UBE2W: variants seen among roughly 807,000 people sequenced by gnomAD.
UBE2W encodes ubiquitin-conjugating enzyme E2 W.
In UBE2W, 18 loss-of-function variants were observed where a neutral mutation model predicts 27.2. The ratio of observed to expected loss-of-function variants is 0.66; its 90% CI spans 0.46 to 0.98. The LOEUF (loss-of-function observed/expected upper bound fraction) is 0.98. Among genes scored for constraint, UBE2W ranks in the 50% least tolerant of loss-of-function variants. The pLI, the probability that UBE2W is intolerant of heterozygous loss-of-function variation, is 0.00. For missense variants in UBE2W, 90 were observed against 180.2 expected, an observed-to-expected ratio of 0.50 and a Z score of 2.87; for synonymous variants, 53 against 57.2, an observed-to-expected ratio of 0.93 and a Z score of 0.33.
rs1563560833 is a variant in UBE2W, at chr8:73,787,165, T to TA, written c.*6936dup. The stretch of plus-strand genomic sequence containing the variant: ...ATTAAAAATAAATCTTACAGGCAAC[T>TA]AAAAAAATGGTTGAAAGGGGCTCCC... On this transcript the variant is annotated 3_prime_UTR_variant, in exon 6 of 6. Transcript: ENST00000602593. 10 of 985,204 alleles carry TA rather than the reference T, an allele frequency of 1.0e-5. No individual in the cohort carries two copies. Among genetic ancestry groups the TA allele is most frequent in the South Asian group, 4.7e-5 (1 of 21,282 alleles). The allele number at this position is 985,204 out of a possible 1,614,324, so 61.0% of individuals were successfully genotyped here.
intron 1 of UBE2W, among the ~76,000 whole-genome samples, chr8:73,850,440 T>C (rs751826453): frequency 6.6e-6 from 1 of 152,144 alleles, no homozygotes; most frequent in Non-Finnish European, 1.5e-5. Context: ...AAACCAGCAC[T>C]GTTCATAACA....
chr8:73,835,541 G>A (rs566162125), intron 1 of UBE2W, among the ~76,000 whole-genome samples: 4 of 152,218 alleles, frequency 2.6e-5, no homozygotes, highest in African/African-American at 9.6e-5. Flanking sequence ...TCAGGAATTC[G>A]GGACCAGCCT....
intron 1 of UBE2W, among the ~76,000 whole-genome samples, chr8:73,867,713 GAA>G (rs71269960): frequency 0.019 from 2,459 of 128,700 alleles, 61 homozygotes; most frequent in East Asian, 0.13. Flanking sequence ...CTCTGTCTCA[GAA>G]AAAAAAAAAA....
At chr8:73,828,365 T>C (rs1302793531) in intron 2 of UBE2W, among the ~76,000 whole-genome samples, 1 of 152,188 alleles carries the variant, frequency 6.6e-6, no homozygotes, top group Non-Finnish European at 1.5e-5. Context: ...CTATACAAAA[T>C]TTTTACCTTA....
At chr8:73,827,469 G>A (rs937292243) in intron 2 of UBE2W, among the ~76,000 whole-genome samples, 12 of 151,908 alleles carry the variant, frequency 7.9e-5, no homozygotes, top group African/African-American at 9.7e-5. Flanking sequence ...CCGCCTCGGC[G>A]TCCCAAAGTG....
chr8:73,836,987 G>A (rs182085276), intron 1 of UBE2W, among the ~76,000 whole-genome samples: 28 of 152,266 alleles, frequency 1.8e-4, no homozygotes, highest in Admixed American at 8.5e-4. Context: ...AGGTTCCAGT[G>A]GTTCATAGCC....
At chr8:73,803,892 G>A (rs1338732558) in intron 5 of UBE2W, among the ~76,000 whole-genome samples, 3 of 151,116 alleles carry the variant, frequency 2.0e-5, no homozygotes, top group Non-Finnish European at 4.4e-5. Context: ...TCGGCCTCCC[G>A]AGTAACTGGG....
At chr8:73,861,873 G>C (rs1811546737) in intron 1 of UBE2W, among the ~76,000 whole-genome samples, 1 of 152,124 alleles carries the variant, frequency 6.6e-6, no homozygotes, top group Admixed American at 6.5e-5. Flanking sequence ...AAAGCTGATA[G>C]GACAGTCAAT....
chr8:73,861,313 T>C (rs1408427517), intron 1 of UBE2W, among the ~76,000 whole-genome samples: 6 of 152,092 alleles, frequency 3.9e-5, no homozygotes, highest in Non-Finnish European at 7.4e-5. Context: ...AACTGATAAG[T>C]TCAGCATAGG....
chr8:73,813,174 A>G lies in UBE2W; in HGVS notation c.211-2545T>C, dbSNP rs566994055. Among the ~76,000 whole-genome samples the G allele has an allele frequency of 9.2e-5, 14 of 151,362 alleles. 1 individual carries two copies. In the South Asian group the frequency reaches 1.5e-3, roughly 16 times the overall value. On this transcript the variant is annotated intron_variant, in intron 3 of 5. Transcript: ENST00000602593. ...ACCAACCTTTAAAGAAAATAGCAAC[A>G]CGAAGGTTACTACATCATGTTTCAC...
intron 1 of UBE2W, 136 bp downstream of exon 1, chr8:73,878,672 C>G (rs1812347992): frequency 6.6e-6 from 5 of 755,642 alleles, no homozygotes; most frequent in Non-Finnish European, 1.1e-5. Context: ...ACGCCCTGAG[C>G]TGAGGGAAAA....
At chr8:73,840,364 T>C (rs1810491376) in intron 1 of UBE2W, among the ~76,000 whole-genome samples, 1 of 152,240 alleles carries the variant, frequency 6.6e-6, no homozygotes, top group South Asian at 2.1e-4. Flanking sequence ...CCAAAGCTCA[T>C]TCATTTCTAA....
At chr8:73,869,174 G>T (rs748322997) in intron 1 of UBE2W, among the ~76,000 whole-genome samples, 20 of 152,238 alleles carry the variant, frequency 1.3e-4, no homozygotes, top group Non-Finnish European at 2.4e-4. Context: ...GCCAGTCATC[G>T]CAACACTTTG....
chr8:73,838,161 T>C (rs1376223316), intron 1 of UBE2W, among the ~76,000 whole-genome samples: 1 of 152,218 alleles, frequency 6.6e-6, no homozygotes, highest in Non-Finnish European at 1.5e-5. Context: ...AATGATTACA[T>C]ACTTTCAGAA....
chr8:73,877,308 G>T (rs768798957), intron 1 of UBE2W, among the ~76,000 whole-genome samples: 1 of 152,152 alleles, frequency 6.6e-6, no homozygotes, highest in Non-Finnish European at 1.5e-5. Flanking sequence ...CGTCTCTGGG[G>T]AGACTAGTGT....
At position 73,790,263 on chromosome 8, in the gene UBE2W, G is replaced by A; in HGVS notation, c.*3839C>T. ...ACACATTGGACATCAGTGGGAAGAGGCAGAAAAATAGGAAGAAAAATAAAG... is the reference window on the plus strand; with the variant it reads ...ACACATTGGACATCAGTGGGAAGAGACAGAAAAATAGGAAGAAAAATAAAG... On this transcript the variant is annotated 3_prime_UTR_variant, in exon 6 of 6. Transcript: ENST00000602593. 2.0e-6 allele frequency: 2 copies of A among 985,160 alleles called. No individual in the cohort carries two copies. Among genetic ancestry groups the A allele is most frequent in the Non-Finnish European group, 2.4e-6 (2 of 829,840 alleles). The allele number at this position is 985,160 out of a possible 1,614,324, so 61.0% of individuals were successfully genotyped here. A position where few individuals can be genotyped will look rare whatever the true frequency, so the allele number is the denominator to read the frequency against.
In UBE2W at chr8:73,871,856, T is replaced by C. The variant is rs146453655; in HGVS notation, c.15+6952A>G. ...CTTTTTGAGACAGGGTCTCACTCTG[T>C]CACCCACGCTGGAGTGCAGCGGCAC... On this transcript the variant is annotated intron_variant, in intron 1 of 5. Coordinates refer to ENST00000602593, the MANE Select transcript of UBE2W (RefSeq NM_018299.6). Among the ~76,000 whole-genome samples the C allele has an allele frequency of 4.8e-3, 727 of 152,318 alleles. 2 individuals carry two copies. Among genetic ancestry groups the C allele is most frequent in the African/African-American group, 0.017 (698 of 41,564 alleles).
intron 3 of UBE2W, among the ~76,000 whole-genome samples, 173 bp from the exon 4 acceptor site, chr8:73,810,802 T>C (rs1011739921): frequency 6.6e-6 from 1 of 152,220 alleles, no homozygotes; most frequent in East Asian, 1.9e-4. Flanking sequence ...TCAGTAAGTA[T>C]TGGTTTCACT....
intron 1 of UBE2W, among the ~76,000 whole-genome samples, chr8:73,836,679 C>T (rs913369977): frequency 3.9e-5 from 6 of 152,144 alleles, no homozygotes; most frequent in Non-Finnish European, 5.9e-5. Flanking sequence ...GTCACACAAT[C>T]CAGAAAGCTA....
Sources: gnomAD v4.1 joint callset for allele counts (sites outside exome capture counted in the v4.1 genomes callset) on GRCh38, gnomAD v4.1.1 for gene constraint, MANE v1.5 for transcripts, NCBI Gene and HGNC (gene_info 2026-07-23, HGNC 2026-07-21) for gene names.